IL31RA: variants seen among roughly 807,000 people sequenced by gnomAD.
IL31RA encodes interleukin 31 receptor A, also known as interleukin-31 receptor subunit alpha.
Under a neutral mutation model 83.7 loss-of-function variants are expected in IL31RA, and 66 were observed. That is an observed-to-expected ratio of 0.79 (90% CI 0.65 to 0.97). IL31RA has a LOEUF of 0.97. IL31RA is among the 50% of genes least tolerant of loss of function. IL31RA has a pLI of 0.00. For missense variants in IL31RA, 798 were observed against 919.4 expected, an observed-to-expected ratio of 0.87 and a Z score of 1.71; for synonymous variants, 325 against 329.0, an observed-to-expected ratio of 0.99 and a Z score of 0.13.
chr5:55,888,685 T>C (rs1459992488), intron 5 of IL31RA, among the ~76,000 whole-genome samples: 1 of 152,154 alleles, frequency 6.6e-6, no homozygotes, highest in Admixed American at 6.5e-5. Context: ...GTTGGATCCC[T>C]AACTAACAAC....
At position 55,865,178 on chromosome 5, in the gene IL31RA, A is replaced by G. The variant is rs1389076398; in HGVS notation, c.155-3613A>G. Among the ~76,000 whole-genome samples the G allele has an allele frequency of 4.6e-5, 7 of 152,198 alleles. No homozygotes were observed. In the South Asian group the frequency reaches 1.0e-3, roughly 22 times the overall value. On this transcript the variant is annotated intron_variant, in intron 2 of 14. Transcript: ENST00000652347. ...GTTAATGGTGTAGCTTTCAATCTCTATGTAACATGCAGTATTATTTGATTC... is the reference window on the plus strand; with the variant it reads ...GTTAATGGTGTAGCTTTCAATCTCTGTGTAACATGCAGTATTATTTGATTC...
the IL31RA span, among the ~76,000 whole-genome samples, chr5:55,845,284 T>G: frequency 6.6e-6 from 1 of 152,196 alleles, no homozygotes; most frequent in African/African-American, 2.4e-5. Context: ...GCCCTATGAT[T>G]AGGTCTCAGT....
intron 6 of IL31RA, among the ~76,000 whole-genome samples, chr5:55,890,888 C>G (rs67373727): frequency 0.083 from 12,695 of 152,220 alleles, 962 homozygotes; most frequent in African/African-American, 0.2. Flanking sequence ...CAGTCAGTGG[C>G]CTTGGCTTAA....
intron 6 of IL31RA, among the ~76,000 whole-genome samples, chr5:55,894,655 T>G (rs543864338): frequency 2.1e-4 from 32 of 152,356 alleles, no homozygotes; most frequent in African/African-American, 7.5e-4. Context: ...TTAACTCAAT[T>G]GTACTTGGTA....
intron 1 of IL31RA, chr5:55,853,375 T>G: frequency 7.4e-7 from 1 of 1,347,238 alleles, no homozygotes; most frequent in South Asian, 2.5e-5. Context: ...CCACTTTGAC[T>G]TGGGCTGGGC....
intron 2 of IL31RA, among the ~76,000 whole-genome samples, chr5:55,867,134 TGCA>T: frequency 1.0e-5 from 1 of 97,628 alleles, no homozygotes; most frequent in African/African-American, 3.1e-5. Context: ...TGTGTGTGTG[TGCA>T]TGTGTGTGTG....
At position 55,889,986 on chromosome 5, in the gene IL31RA, C is replaced by A; in HGVS notation, c.623C>A (p.Ala208Asp). 1 of 1,614,114 alleles carries A rather than the reference C, an allele frequency of 6.2e-7. No homozygotes were observed. The highest frequency in any genetic ancestry group is 8.5e-7 in the Non-Finnish European group (1 of 1,179,956). Residue 208 changes from alanine to aspartate, a missense_variant, in exon 6 of 15, where the codon GCT (alanine) becomes GAT (aspartate). Coordinates refer to ENST00000652347, the MANE Select transcript of IL31RA (RefSeq NM_139017.7). ...GTCTTGTAGATGGAAGTCAACTTCG[C>A]TAAGAACCGTAAGGATAAAAACCAA... ...NSTSWMEVNFAKNRKDKNQTY... is the reference protein window; with the variant it reads ...NSTSWMEVNFDKNRKDKNQTY...
Position 55,903,688 on chromosome 5 carries a change from A to G in IL31RA, c.1070-2418A>G, listed in dbSNP as rs1399219179. Among the ~76,000 whole-genome samples the G allele has an allele frequency of 1.3e-5, 2 of 151,962 alleles. No individual in the cohort carries two copies. The highest frequency in any genetic ancestry group is 2.9e-5 in the Non-Finnish European group (2 of 67,976). ...AAGGAGTGTGGGTTTAGACACCAAC[A>G]CTGGCTTCTTCAGGCCAGGATTTGT... On this transcript the variant is annotated intron_variant, in intron 8 of 14. Coordinates refer to ENST00000652347, the MANE Select transcript of IL31RA (RefSeq NM_139017.7). This position sits in a 1 kb window ranked among gnomAD's most constrained non-coding sequence, Gnocchi z 4.7.
chr5:55,867,661 A>T (rs954641279), intron 2 of IL31RA, among the ~76,000 whole-genome samples: 5 of 152,140 alleles, frequency 3.3e-5, no homozygotes, highest in African/African-American at 9.7e-5. Context: ...CGCTGCTGAT[A>T]AAGACATACG....
chr5:55,843,304 A>G, the IL31RA span, among the ~76,000 whole-genome samples: 1 of 152,190 alleles, frequency 6.6e-6, no homozygotes, highest in Admixed American at 6.5e-5. Flanking sequence ...GGAAGTGAAC[A>G]ACGTTTTCTA....
the IL31RA span, among the ~76,000 whole-genome samples, chr5:55,840,536 G>C: frequency 1.3e-5 from 2 of 152,124 alleles, no homozygotes; most frequent in Admixed American, 6.5e-5. Context: ...TGATTGACTT[G>C]GAAATTTAAT....
rs141927838 is a variant in IL31RA, at chr5:55,920,127, C to T, written c.*3007C>T. Among the ~76,000 whole-genome samples, 5 of 152,260 alleles carry T rather than the reference C, an allele frequency of 3.3e-5. No individual in the cohort carries two copies. In the East Asian group the frequency reaches 5.8e-4, roughly 18 times the overall value. ...TTCCTTCTGGTGTCTTGGGAGGCAG[C>T]GGTGTGAAAACACCACGCAAGGGTC... On this transcript the variant is annotated 3_prime_UTR_variant, in exon 15 of 15. Transcript: ENST00000652347.
intron 4 of IL31RA, among the ~76,000 whole-genome samples, chr5:55,874,898 A>G (rs1012884935): frequency 6.6e-6 from 1 of 152,086 alleles, no homozygotes; most frequent in Admixed American, 6.5e-5. Flanking sequence ...AACTTTTAGT[A>G]TAGTGTTGAA....
chr5:55,866,357 T>C (rs1484812491), intron 2 of IL31RA, among the ~76,000 whole-genome samples: 3 of 152,004 alleles, frequency 2.0e-5, no homozygotes, highest in African/African-American at 2.4e-5. Flanking sequence ...AATTTTTCCA[T>C]GGACAGGGGG....
At chr5:55,852,527 C>T (rs1309068391) in intron 1 of IL31RA, among the ~76,000 whole-genome samples, 2 of 152,162 alleles carry the variant, frequency 1.3e-5, no homozygotes, top group Non-Finnish European at 2.9e-5. Flanking sequence ...AGCTCTCTTT[C>T]TCACCCTTAT....
intron 6 of IL31RA, among the ~76,000 whole-genome samples, chr5:55,893,956 T>C (rs161648): frequency 0.63 from 96,036 of 151,552 alleles, 31,976 homozygotes; most frequent in African/African-American, 0.85. Flanking sequence ...GGACTACAGG[T>C]GTGTGCCACC....
the IL31RA span, among the ~76,000 whole-genome samples, chr5:55,842,186 T>C: frequency 6.6e-6 from 1 of 152,242 alleles, no homozygotes; most frequent in Non-Finnish European, 1.5e-5. Context: ...ACGTGGTTTT[T>C]CCTTGTGTCC....
chr5:55,906,363 C>A, intron 9 of IL31RA, 75 bp downstream of exon 9: 1 of 1,428,414 alleles, frequency 7.0e-7, no homozygotes. Context: ...AGATCTTTAA[C>A]TTTGGCTTCA....
intron 6 of IL31RA, among the ~76,000 whole-genome samples, chr5:55,893,590 G>A (rs923394582): frequency 2.6e-5 from 4 of 151,906 alleles, no homozygotes; most frequent in Non-Finnish European, 4.4e-5. Flanking sequence ...ATCAATTTAC[G>A]GTTAATGGAA....
Sources: gnomAD v4.1 joint callset for allele counts (sites outside exome capture counted in the v4.1 genomes callset) on GRCh38, gnomAD v4.1.1 for gene constraint, Gnocchi (gnomAD v3.1) non-coding constraint, MANE v1.5 for transcripts, NCBI Gene and HGNC (gene_info 2026-07-23, HGNC 2026-07-21) for gene names.